Variants in PHTF2 observed in about 807,000 individuals in gnomAD.
PHTF2 encodes the protein putative homeodomain transcription factor 2.
PHTF2 carries 60 observed loss-of-function variants against 101.2 expected under a neutral mutation model. The ratio of observed to expected loss-of-function variants is 0.59; its 90% CI spans 0.48 to 0.73. The LOEUF is 0.73. Ranked by LOEUF, PHTF2 falls within the 30% of genes least tolerant of loss-of-function variation. PHTF2 has a pLI of 0.00. For missense variants in PHTF2, 747 were observed against 908.7 expected, an observed-to-expected ratio of 0.82 and a Z score of 2.29; for synonymous variants, 311 against 307.3, an observed-to-expected ratio of 1.01 and a Z score of -0.13.
At chr7:77,888,247 T>G (rs745398338) in intron 3 of PHTF2, among the ~76,000 whole-genome samples, 2 of 152,206 alleles carry the variant, frequency 1.3e-5, no homozygotes, top group African/African-American at 4.8e-5. Flanking sequence ...CCCAAGTAGC[T>G]GGGATTACAG....
chr7:77,897,293 ATT>A (rs10687152), intron 5 of PHTF2, among the ~76,000 whole-genome samples: 53 of 133,668 alleles, frequency 4.0e-4, no homozygotes, highest in African/African-American at 8.6e-4. Flanking sequence ...AGCCCATTTC[ATT>A]TTTTTTTTTT....
Position 77,901,813 on chromosome 7 carries a change from GA to G in PHTF2, c.341del (p.Lys114ArgfsTer19). ...GAAAGTCCTTGGACTTCTCTGACCAGAAAGGGAATTGTTCGAGTTGTATTTT... is the reference window on the plus strand; with the variant it reads ...GAAAGTCCTTGGACTTCTCTGACCAGAAGGGAATTGTTCGAGTTGTATTTT... On this transcript the variant is annotated frameshift_variant, in exon 7 of 20. Coordinates refer to ENST00000416283, the Ensembl canonical transcript of PHTF2. LOFTEE classifies it high-confidence loss of function. 6.3e-7 allele frequency: 1 copy of G among 1,575,452 alleles called. No homozygotes were observed. The highest frequency in any genetic ancestry group is 8.6e-7 in the Non-Finnish European group (1 of 1,159,034).
chr7:77,820,269 T>G (rs1033118319), intron 1 of PHTF2, among the ~76,000 whole-genome samples: 1 of 152,244 alleles, frequency 6.6e-6, no homozygotes, highest in African/African-American at 2.4e-5. Flanking sequence ...TGGTTCAATC[T>G]TGGTAGGTGT....
At chr7:77,853,990 A>G (rs772370262) in intron 2 of PHTF2, among the ~76,000 whole-genome samples, 5 of 152,010 alleles carry the variant, frequency 3.3e-5, no homozygotes, top group Non-Finnish European at 5.9e-5. Flanking sequence ...GATGGTCTTG[A>G]TGTTTGTGGG....
At chr7:77,927,292 A>G (rs1804147566) in intron 11 of PHTF2, among the ~76,000 whole-genome samples, 1 of 151,614 alleles carries the variant, frequency 6.6e-6, no homozygotes, top group African/African-American at 2.4e-5. Context: ...TATCAAATGA[A>G]TATAAATAAT....
At chr7:77,908,546 C>T (rs1802074988) in intron 7 of PHTF2, among the ~76,000 whole-genome samples, 1 of 152,042 alleles carries the variant, frequency 6.6e-6, no homozygotes, top group Admixed American at 6.6e-5. Context: ...TACGTTGCAG[C>T]GTTGAGGTGT....
chr7:77,923,023 G>A, intron 11 of PHTF2: 1 of 1,151,896 alleles, frequency 8.7e-7, no homozygotes, highest in African/African-American at 1.6e-5. Context: ...TACATTGTTT[G>A]TTGTTTGCTT....
At chr7:77,900,093 A>G (rs944965344) in intron 5 of PHTF2, among the ~76,000 whole-genome samples, 3 of 152,236 alleles carry the variant, frequency 2.0e-5, no homozygotes, top group African/African-American at 4.8e-5. Flanking sequence ...GTTTATGACA[A>G]CTGCCTCTCC....
intron 14 of PHTF2, 21 bp downstream of exon 13, chr7:77,940,323 CGAATAA>C (rs1805536060): frequency 1.3e-6 from 2 of 1,546,376 alleles, no homozygotes; most frequent in Admixed American, 2.1e-5. Flanking sequence ...TGTAGACTTC[CGAATAA>C]GAATATTTTA....
At chr7:77,875,555 T>A (rs931434279) in intron 3 of PHTF2, among the ~76,000 whole-genome samples, 2 of 145,422 alleles carry the variant, frequency 1.4e-5, no homozygotes, top group Non-Finnish European at 3.0e-5. Flanking sequence ...TTTATTTATT[T>A]ATTATTATTA....
At chr7:77,955,601 A>T (rs1806945370) in exon 20 of PHTF2, 1 of 152,626 alleles carries the variant, frequency 6.6e-6, no homozygotes, top group South Asian at 2.1e-4. Context: ...TGCACTTTTT[A>T]AAATTGTTAC....
chr7:77,899,250 A>G (rs1801157297), intron 5 of PHTF2, among the ~76,000 whole-genome samples: 1 of 152,226 alleles, frequency 6.6e-6, no homozygotes, highest in African/African-American at 2.4e-5. Context: ...TGTGAAAAAC[A>G]TAACAAATAA....
intron 2 of PHTF2, among the ~76,000 whole-genome samples, chr7:77,842,008 T>C (rs1795923987): frequency 6.6e-6 from 1 of 152,198 alleles, no homozygotes; most frequent in South Asian, 2.1e-4. Flanking sequence ...TTTCTTGGGA[T>C]CAGAGGGTTT....
chr7:77,919,715 T>G (rs1803267559), intron 9 of PHTF2, among the ~76,000 whole-genome samples: 1 of 152,200 alleles, frequency 6.6e-6, no homozygotes, highest in Non-Finnish European at 1.5e-5. Flanking sequence ...TTTCAGTGGG[T>G]GAAAGAGGTT....
intron 7 of PHTF2, among the ~76,000 whole-genome samples, chr7:77,903,481 C>T (rs186792115): frequency 1.8e-4 from 27 of 152,256 alleles, no homozygotes; most frequent in Admixed American, 1.6e-3. Flanking sequence ...TAGTATTCCA[C>T]GACAAACAAG....
At chr7:77,886,164 G>A (rs1799829126) in intron 3 of PHTF2, among the ~76,000 whole-genome samples, 3 of 152,134 alleles carry the variant, frequency 2.0e-5, no homozygotes, top group Admixed American at 2.0e-4. Flanking sequence ...AAGACACCTT[G>A]TCTTTGGCCT....
chr7:77,855,496 G>A (rs1013614061), intron 3 of PHTF2, among the ~76,000 whole-genome samples: 5 of 152,180 alleles, frequency 3.3e-5, no homozygotes, highest in African/African-American at 1.2e-4. Context: ...TATCTCACTG[G>A]GTTGCATGCA....
intron 1 of PHTF2, among the ~76,000 whole-genome samples, chr7:77,831,567 C>T (rs1243295679): frequency 1.3e-5 from 2 of 152,212 alleles, no homozygotes; most frequent in Non-Finnish European, 2.9e-5. Context: ...CTGACGTTGA[C>T]AACAAGGCAG....
At chr7:77,854,265 A>G (rs554084279) in intron 2 of PHTF2, among the ~76,000 whole-genome samples, 1 of 152,182 alleles carries the variant, frequency 6.6e-6, no homozygotes, top group East Asian at 1.9e-4. Context: ...ATTGTCAGGG[A>G]GAGTCTCTTC....
Sources: gnomAD v4.1 joint callset for allele counts (sites outside exome capture counted in the v4.1 genomes callset) on GRCh38, gnomAD v4.1.1 for gene constraint, MANE v1.5 for transcripts, NCBI Gene and HGNC (gene_info 2026-07-23, HGNC 2026-07-21) for gene names.